The following CUBN variants were observed in gnomAD, a reference collection of about 807,000 sequenced individuals.
CUBN encodes 460 kDa receptor.
Under a neutral mutation model 405.3 loss-of-function variants are expected in CUBN, and 282 were observed. The observed-to-expected ratio is 0.70, with a 90% CI of 0.63 to 0.77. CUBN has a LOEUF of 0.77. Among genes scored for constraint, CUBN ranks in the 30% least tolerant of loss-of-function variants. CUBN has a pLI of 0.00. For synonymous variants in CUBN, 1,684 were observed against 1,617.0 expected, an observed-to-expected ratio of 1.04 and a Z score of -0.99; for missense variants, 4,514 against 4,475.2, an observed-to-expected ratio of 1.01 and a Z score of -0.25.
chr10:16,991,646 TAA>T (rs68008381), intron 28 of CUBN, among the ~76,000 whole-genome samples: 11 of 145,368 alleles, frequency 7.6e-5, no homozygotes, highest in Admixed American at 6.8e-5. Context: ...TTTTTTTTTT[TAA>T]ATATTCTTTA....
At chr10:17,047,636 T>G (rs940486345) in intron 22 of CUBN, 33 bp from the exon 23 acceptor site, 1 of 1,569,714 alleles carries the variant, frequency 6.4e-7, no homozygotes, top group South Asian at 1.1e-5. Context: ...AGAGAGAAAA[T>G]AGAAAATATT....
rs572556328 is a variant in CUBN, at chr10:17,110,761, G to T, written c.1015+158C>A. On this transcript the variant is annotated intron_variant, in intron 9 of 66. Coordinates refer to ENST00000377833, the MANE Select transcript of CUBN (RefSeq NM_001081.4). ...CAGGCCCGAACTCCCGACCTCATGT[G>T]ATCTGCCCACCTCAGCCTCCCAAAG... is the stretch of plus-strand genomic sequence containing the variant. 8.0e-4 allele frequency among the ~76,000 whole-genome samples: 122 copies of T among 152,284 alleles called. 1 individual carries two copies. The highest frequency in any genetic ancestry group is 5.3e-4 in the Non-Finnish European group (36 of 68,020).
At chr10:16,907,387 T>A (rs1300631332) in intron 49 of CUBN, 121 bp downstream of exon 49, 1 of 1,017,596 alleles carries the variant, frequency 9.8e-7, no homozygotes, top group Non-Finnish European at 1.5e-6. Context: ...GTTTGTCTTA[T>A]GTCAAAGATT....
intron 35 of CUBN, 100 bp from the exon 36 acceptor site, chr10:16,947,467 G>C: frequency 8.2e-7 from 1 of 1,216,222 alleles, no homozygotes; most frequent in South Asian, 1.3e-5. Flanking sequence ...CAATGTAAAA[G>C]AATAGATAGT....
chr10:16,841,189 G>GAATTATAATCAATCC, intron 60 of CUBN, 142 bp from the exon 61 acceptor site: 1 of 700,902 alleles, frequency 1.4e-6, no homozygotes, highest in Non-Finnish European at 2.4e-6. Context: ...TTTAGGAACA[G>GAATTATAATCAATCC]AATTATAATT....
At chr10:17,099,550 G>A (rs1836451051) in intron 14 of CUBN, among the ~76,000 whole-genome samples, 2 of 152,116 alleles carry the variant, frequency 1.3e-5, no homozygotes, top group African/African-American at 4.8e-5. Flanking sequence ...AGGTTGATTT[G>A]ATTTTAAAGT....
In CUBN at chr10:17,046,082, A is replaced by G; in HGVS notation, c.3342T>C (p.Tyr1114=). 6.2e-7 allele frequency: 1 copy of G among 1,613,570 alleles called. No individual in the cohort carries two copies. Among genetic ancestry groups the G allele is most frequent in the African/African-American group, 1.3e-5 (1 of 75,046 alleles). Residue 1114 remains tyrosine, a synonymous_variant, in exon 24 of 67, where the codon TAT becomes TAC. Coordinates refer to ENST00000377833, the MANE Select transcript of CUBN (RefSeq NM_001081.4). ...TDFLEIRDGG[Y]EKSPLLGIFY... ...ATATTCCCAGCAATGGTGATTTTTC[A>G]TAGCCTCCATCTCTGGCAGAATACA...
chr10:17,042,834 G>C (rs1016941139), intron 26 of CUBN, among the ~76,000 whole-genome samples: 1 of 152,094 alleles, frequency 6.6e-6, no homozygotes, highest in African/African-American at 2.4e-5. Context: ...AAGGGATATT[G>C]TGTATACAGT....
At chr10:16,974,758 G>A (rs774309600) in intron 31 of CUBN, among the ~76,000 whole-genome samples, 16 of 152,262 alleles carry the variant, frequency 1.1e-4, no homozygotes, top group Non-Finnish European at 1.8e-4. Flanking sequence ...CCCTGAGACA[G>A]CAAGACTAGC....
intron 29 of CUBN, among the ~76,000 whole-genome samples, chr10:16,985,167 T>G (rs1032261164): frequency 1.6e-4 from 24 of 152,344 alleles, no homozygotes; most frequent in African/African-American, 5.5e-4. Context: ...CACCCAGATG[T>G]TGCCTTTTGG....
intron 28 of CUBN, among the ~76,000 whole-genome samples, chr10:17,012,402 AAAG>A (rs1283313749): frequency 3.3e-5 from 5 of 152,220 alleles, no homozygotes; most frequent in African/African-American, 1.2e-4. Flanking sequence ...ACTCTTTCCC[AAAG>A]AAGGTGCAAA....
chr10:16,855,299 G>A (rs1348430345), intron 59 of CUBN, among the ~76,000 whole-genome samples: 4 of 151,906 alleles, frequency 2.6e-5, no homozygotes, highest in Admixed American at 2.6e-4. Flanking sequence ...CACTAAAATG[G>A]AGAGTATATT....
intron 58 of CUBN, among the ~76,000 whole-genome samples, chr10:16,871,256 G>A (rs1840345013): frequency 1.3e-5 from 2 of 151,604 alleles, no homozygotes; most frequent in African/African-American, 4.8e-5. Flanking sequence ...TGGCCAGGCT[G>A]GTCTTGAACT....
intron 61 of CUBN, 74 bp downstream of exon 61, chr10:16,840,811 T>C: frequency 1.5e-6 from 2 of 1,328,296 alleles, no homozygotes; most frequent in South Asian, 2.4e-5. Flanking sequence ...TTCGATATAA[T>C]AAGCAGGGCA....
At chr10:16,947,753 G>C (rs1842826199) in intron 35 of CUBN, among the ~76,000 whole-genome samples, 1 of 152,166 alleles carries the variant, frequency 6.6e-6, no homozygotes. Context: ...GCACCGAAAT[G>C]CACACACCAA....
intron 64 of CUBN, among the ~76,000 whole-genome samples, chr10:16,833,613 G>T: frequency 6.6e-6 from 1 of 152,260 alleles, no homozygotes; most frequent in African/African-American, 2.4e-5. Flanking sequence ...AGCCAAATCG[G>T]ATGAGGGGGG....
chr10:16,928,347 ATCTAC>A (rs754074300), intron 40 of CUBN, 44 bp from the exon 41 acceptor site: 23 of 1,604,180 alleles, frequency 1.4e-5, no homozygotes, highest in East Asian at 4.5e-5. Flanking sequence ...CATCTTGAGA[ATCTAC>A]TCTACAATCA....
At chr10:16,993,845 A>G (rs937122078) in intron 28 of CUBN, among the ~76,000 whole-genome samples, 1 of 152,124 alleles carries the variant, frequency 6.6e-6, no homozygotes, top group East Asian at 1.9e-4. Flanking sequence ...GTCAGGAAAA[A>G]TATTGTATGA....
chr10:17,070,468 T>A (rs923349903), intron 19 of CUBN, among the ~76,000 whole-genome samples: 2 of 152,202 alleles, frequency 1.3e-5, no homozygotes. Flanking sequence ...TATTGCCATC[T>A]TAACAATATT....
Sources: allele counts gnomAD v4.1 joint callset (sites outside exome capture counted in the v4.1 genomes callset), GRCh38; gene constraint gnomAD v4.1.1; transcripts MANE v1.5; gene names NCBI Gene and HGNC (gene_info 2026-07-23, HGNC 2026-07-21).